Variants in SMYD3 observed in about 807,000 individuals in gnomAD.
SMYD3 encodes the protein SET and MYND domain containing 3, also known as histone-lysine N-methyltransferase SMYD3.
Under a neutral mutation model 57.7 loss-of-function variants are expected in SMYD3, and 36 were observed. The observed-to-expected ratio is 0.62, with a 90% confidence interval of 0.48 to 0.82. The LOEUF (loss-of-function observed/expected upper bound fraction) is 0.82. Among genes scored for constraint, SMYD3 ranks in the 40% least tolerant of loss-of-function variants. The probability of loss-of-function intolerance (pLI) is 0.00; values close to 1 mark genes in which losing one functional copy is unlikely to be tolerated. For missense variants in SMYD3, 515 were observed against 538.8 expected (o/e 0.96, Z 0.44); for synonymous variants, 211 against 195.0 (o/e 1.08, Z -0.68).
intron 2 of SMYD3, among the ~76,000 whole-genome samples, chr1:246,348,872 T>C (rs2065772572): frequency 6.6e-6 from 1 of 152,088 alleles, no homozygotes; most frequent in African/African-American, 2.4e-5. Context: ...ATAAACAACT[T>C]ACATATAGAG....
intron 5 of SMYD3, among the ~76,000 whole-genome samples, chr1:246,285,802 A>G (rs1297612455): frequency 6.6e-6 from 1 of 152,178 alleles, no homozygotes; most frequent in Admixed American, 6.5e-5. Flanking sequence ...AGCAAGAAAA[A>G]AACAATCTCA....
chr1:246,157,758 G>T (rs984148701), intron 5 of SMYD3, among the ~76,000 whole-genome samples: 3 of 152,184 alleles, frequency 2.0e-5, no homozygotes, highest in Admixed American at 6.5e-5. Context: ...GTGGAACTGC[G>T]TTGAGAATCT....
intron 5 of SMYD3, among the ~76,000 whole-genome samples, chr1:246,104,677 A>G (rs536865666): frequency 6.6e-6 from 1 of 152,328 alleles, no homozygotes; most frequent in Admixed American, 6.5e-5. Flanking sequence ...GACAGTTTAA[A>G]AAGCAAAGGG....
At position 246,395,583 on chromosome 1, in the gene SMYD3, C is replaced by CCCACGGTCAGACAGGGAAGAGGAACCCA. The variant is rs1558442669; in HGVS notation, c.165-40517_165-40490dup. 1.1e-4 allele frequency among the ~76,000 whole-genome samples: 15 copies of CCCACGGTCAGACAGGGAAGAGGAACCCA among 142,140 alleles called. 1 individual carries two copies. The highest frequency in any genetic ancestry group is 3.7e-4 in the African/African-American group (14 of 37,400). The allele number at this position is 142,140 out of a possible 152,430, so 93.2% of individuals were successfully genotyped here. Reference sequence around the variant, plus strand: ...TGTGCACTACTACTGCGAGTGGACCCCCACGGTCAGACAGGGAAGAGGAAC... The same window carrying CCCACGGTCAGACAGGGAAGAGGAACCCA: ...TGTGCACTACTACTGCGAGTGGACCCCCACGGTCAGACAGGGAAGAGGAACCCACCACGGTCAGACAGGGAAGAGGAAC... On this transcript the variant is annotated intron_variant, in intron 1 of 11. Transcript: ENST00000490107.
intron 10 of SMYD3, among the ~76,000 whole-genome samples, chr1:245,849,534 A>G (rs1343831757): frequency 6.6e-6 from 1 of 152,128 alleles, no homozygotes; most frequent in Non-Finnish European, 1.5e-5. Flanking sequence ...AGTGTTGATC[A>G]GTGTACTTCT....
At chr1:246,232,264 T>C (rs1442694987) in intron 5 of SMYD3, among the ~76,000 whole-genome samples, 1 of 152,156 alleles carries the variant, frequency 6.6e-6, no homozygotes, top group Non-Finnish European at 1.5e-5. Flanking sequence ...CCAGGAGAAT[T>C]AGGCACTACA....
In SMYD3 at chr1:245,971,328, A is replaced by G. The variant is rs186673513; in HGVS notation, c.532-41391T>C. On this transcript the variant is annotated intron_variant, in intron 5 of 11. Coordinates refer to ENST00000490107, the MANE Select transcript of SMYD3 (RefSeq NM_001167740.2). The stretch of plus-strand genomic sequence containing the variant: ...GGGGCTAGGGGAGAGATAGCATTAG[A>G]AGAAATACCTAATGTAGATGACGGG... 1.3e-3 allele frequency among the ~76,000 whole-genome samples: 204 copies of G among 152,278 alleles called. 1 individual carries two copies. Among genetic ancestry groups the G allele is most frequent in the Non-Finnish European group, 2.4e-3 (164 of 68,022 alleles).
At chr1:246,466,779 T>TC (rs1353979024) in intron 1 of SMYD3, among the ~76,000 whole-genome samples, 1 of 152,028 alleles carries the variant, frequency 6.6e-6, no homozygotes, top group African/African-American at 2.4e-5. Flanking sequence ...GCCCGGGAAA[T>TC]CAAGGCTCCA....
At chr1:245,831,795 C>T (rs1427149173) in intron 10 of SMYD3, among the ~76,000 whole-genome samples, 1 of 152,218 alleles carries the variant, frequency 6.6e-6, no homozygotes, top group Non-Finnish European at 1.5e-5. Flanking sequence ...ACCCCTCAAA[C>T]TGGCCCTGAA....
At chr1:245,889,943 C>T (rs2053289859) in intron 8 of SMYD3, among the ~76,000 whole-genome samples, 1 of 152,148 alleles carries the variant, frequency 6.6e-6, no homozygotes, top group Non-Finnish European at 1.5e-5. Flanking sequence ...CATACATCTG[C>T]AGTGAACTCA....
At chr1:246,462,282 ACAGTGCATCCTCTCGCG>A (rs1558476119) in intron 1 of SMYD3, among the ~76,000 whole-genome samples, 9 of 16,448 alleles carry the variant, frequency 5.5e-4, no homozygotes, top group South Asian at 3.5e-3. Context: ...CCTGCTGGGT[ACAGTGCATCCTCTCGCG>A]GGGCCTGCTG....
chr1:246,307,871 A>C (rs1461129982), intron 5 of SMYD3, among the ~76,000 whole-genome samples: 1 of 152,150 alleles, frequency 6.6e-6, no homozygotes, highest in Non-Finnish European at 1.5e-5. Flanking sequence ...TCAAGCATGA[A>C]CCAGCAGCAA....
intron 5 of SMYD3, among the ~76,000 whole-genome samples, chr1:245,946,285 C>T (rs1426862377): frequency 6.6e-6 from 1 of 152,194 alleles, no homozygotes; most frequent in African/African-American, 2.4e-5. Context: ...TTGTTCCAAA[C>T]TTACTTGTCC....
intron 10 of SMYD3, among the ~76,000 whole-genome samples, chr1:245,828,964 A>G (rs2148373233): frequency 6.6e-6 from 1 of 152,138 alleles, no homozygotes; most frequent in South Asian, 2.1e-4. Context: ...CGGCCTCCCA[A>G]AGTGCTGGGG....
intron 5 of SMYD3, among the ~76,000 whole-genome samples, chr1:245,946,372 T>C (rs918378132): frequency 1.3e-5 from 2 of 152,204 alleles, no homozygotes; most frequent in African/African-American, 4.8e-5. Flanking sequence ...CACATTGTTT[T>C]CTATCAAACA....
chr1:246,467,412 G>GA (rs1252298864), intron 1 of SMYD3, among the ~76,000 whole-genome samples: 1 of 151,930 alleles, frequency 6.6e-6, no homozygotes, highest in Admixed American at 6.6e-5. Context: ...AAAGATCAAT[G>GA]AAACAAAGAG....
chr1:245,816,749 T>C (rs2048830120), intron 10 of SMYD3, among the ~76,000 whole-genome samples: 1 of 151,694 alleles, frequency 6.6e-6, no homozygotes, highest in Non-Finnish European at 1.5e-5. Context: ...GCGCCAGGGG[T>C]CAGGGAGTTC....
chr1:246,411,382 G>A (rs1450915861), intron 1 of SMYD3, among the ~76,000 whole-genome samples: 1 of 152,212 alleles, frequency 6.6e-6, no homozygotes, highest in Non-Finnish European at 1.5e-5. Context: ...TGGTGGGACT[G>A]TAAACTAGTT....
intron 5 of SMYD3, among the ~76,000 whole-genome samples, chr1:246,102,948 A>T (rs537396331): frequency 6.6e-6 from 1 of 152,254 alleles, no homozygotes; most frequent in African/African-American, 2.4e-5. Flanking sequence ...ATTCTCAGCA[A>T]GATTTGCTAA....
Sources: gnomAD v4.1 joint callset for allele counts (sites outside exome capture counted in the v4.1 genomes callset) on GRCh38, gnomAD v4.1.1 for gene constraint, MANE v1.5 for transcripts, NCBI Gene and HGNC (gene_info 2026-07-23, HGNC 2026-07-21) for gene names.